The following EXOC6B variants were observed in gnomAD, a reference collection of about 807,000 sequenced individuals.
EXOC6B encodes exocyst complex component 6B.
A neutral mutation model predicts 113.5 loss-of-function variants in EXOC6B; 54 were observed. The observed-to-expected ratio is 0.48, with a 90% CI of 0.38 to 0.60. The LOEUF is 0.60. EXOC6B is among the 20% of genes least tolerant of loss of function. The pLI, the probability that EXOC6B is intolerant of heterozygous loss-of-function variation, is 0.00. For synonymous variants in EXOC6B, 357 were observed against 339.0 expected (o/e 1.05, Z -0.58); for missense variants, 797 against 977.5 (o/e 0.82, Z 2.46).
chr2:72,349,927 A>C (rs918841824), intron 19 of EXOC6B, among the ~76,000 whole-genome samples: 8 of 151,976 alleles, frequency 5.3e-5, no homozygotes, highest in Non-Finnish European at 1.2e-4. Context: ...ATTTGTGGGG[A>C]CTCTGCTGAC....
At chr2:72,591,140 A>G (rs539024910) in intron 6 of EXOC6B, among the ~76,000 whole-genome samples, 2 of 152,240 alleles carry the variant, frequency 1.3e-5, no homozygotes, top group East Asian at 3.9e-4. Context: ...GTAGGCTATC[A>G]GAGTTAATCA....
chr2:72,687,970 T>C (rs1339260222), intron 6 of EXOC6B, among the ~76,000 whole-genome samples: 2 of 151,840 alleles, frequency 1.3e-5, no homozygotes, highest in African/African-American at 4.8e-5. Flanking sequence ...CAAGAAAAAT[T>C]CTAGAAGCTC....
chr2:72,559,531 C>T lies in EXOC6B; in HGVS notation c.847-10G>A, dbSNP rs774173795. On this transcript the variant is annotated splice_polypyrimidine_tract_variant and intron_variant, in intron 7 of 21. Transcript: ENST00000272427. ...CTTGGGCCCCAGGTACCTGCAAACA[C>T]AAGATTATAACAAAAAAATTCAAAC... The T allele has an allele frequency of 1.2e-6, 2 of 1,607,706 alleles. No individual in the cohort carries two copies. The highest frequency in any genetic ancestry group is 2.2e-5 in the East Asian group (1 of 44,762).
intron 19 of EXOC6B, among the ~76,000 whole-genome samples, chr2:72,375,634 T>C (rs1486785527): frequency 6.6e-6 from 1 of 152,018 alleles, no homozygotes; most frequent in East Asian, 1.9e-4. Flanking sequence ...ACATGACATA[T>C]CAAAATTTGT....
At chr2:72,499,861 T>C (rs1700231924) in intron 12 of EXOC6B, 40 bp downstream of exon 12, 3 of 1,381,946 alleles carry the variant, frequency 2.2e-6, no homozygotes, top group Non-Finnish European at 3.0e-6. Context: ...CTGATTATAA[T>C]ACCAATCTAG....
At chr2:72,617,263 T>C (rs904846969) in intron 6 of EXOC6B, among the ~76,000 whole-genome samples, 1 of 151,734 alleles carries the variant, frequency 6.6e-6, no homozygotes, top group Non-Finnish European at 1.5e-5. Context: ...TCTAGGAGCA[T>C]GGTGCAAGCT....
intron 18 of EXOC6B, among the ~76,000 whole-genome samples, chr2:72,399,783 T>A (rs1222665655): frequency 6.6e-6 from 1 of 151,916 alleles, no homozygotes; most frequent in Non-Finnish European, 1.5e-5. Context: ...GTGTCATAGA[T>A]GACACAACCA....
intron 6 of EXOC6B, among the ~76,000 whole-genome samples, chr2:72,666,198 T>C (rs1298443060): frequency 6.6e-6 from 1 of 152,142 alleles, no homozygotes; most frequent in African/African-American, 2.4e-5. Context: ...CAAGTTCTAG[T>C]GAAAGCCTTG....
intron 18 of EXOC6B, among the ~76,000 whole-genome samples, chr2:72,383,569 C>A (rs1285437913): frequency 1.3e-5 from 2 of 151,998 alleles, no homozygotes; most frequent in African/African-American, 4.8e-5. Flanking sequence ...ATTAGTTCAG[C>A]CATTGTGGAA....
chr2:72,383,023 C>G (rs1371674097), intron 18 of EXOC6B, among the ~76,000 whole-genome samples: 1 of 152,080 alleles, frequency 6.6e-6, no homozygotes, highest in Non-Finnish European at 1.5e-5. Context: ...AATGTAAAAC[C>G]TAAATCTATA....
intron 18 of EXOC6B, among the ~76,000 whole-genome samples, chr2:72,409,277 A>T (rs1694002369): frequency 1.3e-5 from 2 of 152,218 alleles, no homozygotes; most frequent in African/African-American, 4.8e-5. Flanking sequence ...TGGGACTGTA[A>T]ACTAGTTCAA....
At chr2:72,668,098 C>A (rs780471996) in intron 6 of EXOC6B, among the ~76,000 whole-genome samples, 2 of 152,122 alleles carry the variant, frequency 1.3e-5, no homozygotes, top group Admixed American at 6.5e-5. Context: ...AAGTGGCCAA[C>A]AAACATATGA....
At chr2:72,257,691 A>G (rs983614664) in intron 20 of EXOC6B, among the ~76,000 whole-genome samples, 2 of 152,210 alleles carry the variant, frequency 1.3e-5, no homozygotes, top group African/African-American at 2.4e-5. Flanking sequence ...AGAAAGATCA[A>G]TGAAACACTG....
At chr2:72,634,079 G>A (rs961638352) in intron 6 of EXOC6B, among the ~76,000 whole-genome samples, 1 of 151,952 alleles carries the variant, frequency 6.6e-6, no homozygotes, top group African/African-American at 2.4e-5. Flanking sequence ...GCAAAACATT[G>A]GTAGCTTAAA....
chr2:72,214,426 G>A (rs1680384040), intron 20 of EXOC6B, among the ~76,000 whole-genome samples: 1 of 151,076 alleles, frequency 6.6e-6, no homozygotes, highest in Non-Finnish European at 1.5e-5. Flanking sequence ...GGGAGGCGGA[G>A]CTTGCAGTGA....
chr2:72,539,932 T>C (rs1702504401), intron 8 of EXOC6B, among the ~76,000 whole-genome samples: 1 of 144,760 alleles, frequency 6.9e-6, no homozygotes, highest in South Asian at 2.3e-4. Flanking sequence ...TATCTCCTAA[T>C]GCTATCCCTC....
rs367693111 is a variant in EXOC6B at position 72,237,642 on chromosome 2, G to T, written c.2197-53455C>A. Among the ~76,000 whole-genome samples, 58 of 152,246 alleles carry T rather than the reference G, an allele frequency of 3.8e-4. 1 individual carries two copies. The highest frequency in any genetic ancestry group is 1.2e-3 in the African/African-American group (51 of 41,544). The stretch of plus-strand genomic sequence containing the variant: ...AACCCTATCCTTACCCTCACCCCCT[G>T]CCTGACCTCTGAATCTCTGTGTAAT... On this transcript the variant is annotated intron_variant, in intron 20 of 21. Coordinates refer to ENST00000272427, the MANE Select transcript of EXOC6B (RefSeq NM_015189.3).
intron 20 of EXOC6B, among the ~76,000 whole-genome samples, chr2:72,323,488 T>C (rs1687959819): frequency 6.6e-6 from 1 of 152,188 alleles, no homozygotes; most frequent in South Asian, 2.1e-4. Context: ...TTACTGGGTA[T>C]GTACCCAAAG....
At chr2:72,582,234 G>A (rs1009222532) in intron 6 of EXOC6B, among the ~76,000 whole-genome samples, 5 of 152,088 alleles carry the variant, frequency 3.3e-5, no homozygotes, top group Non-Finnish European at 7.4e-5. Flanking sequence ...CAGGCCAGGA[G>A]CAGTGGCTTA....
Sources: gnomAD v4.1 joint callset for allele counts (sites outside exome capture counted in the v4.1 genomes callset) on GRCh38, gnomAD v4.1.1 for gene constraint, MANE v1.5 for transcripts, NCBI Gene and HGNC (gene_info 2026-07-23, HGNC 2026-07-21) for gene names.